The following UCHL3 variants were observed in gnomAD, a reference collection of about 807,000 sequenced individuals.
UCHL3 encodes ubiquitin C-terminal hydrolase L3, also known as ubiquitin carboxyl-terminal hydrolase isozyme L3.
Under a neutral mutation model 35.8 loss-of-function variants are expected in UCHL3, and 22 were observed. The ratio of observed to expected loss-of-function variants is 0.61; its 90% confidence interval spans 0.44 to 0.88. The LOEUF is 0.88. Ranked by LOEUF, UCHL3 falls within the 40% of genes least tolerant of loss-of-function variation. UCHL3 has a pLI of 0.00. For synonymous variants in UCHL3, 90 were observed against 92.8 expected (o/e 0.97, Z 0.17); for missense variants, 229 against 276.9 (o/e 0.83, Z 1.23).
In UCHL3 at chr13:75,549,807, C is replaced by A. The variant is rs199605560; in HGVS notation, c.-14C>A. On this transcript the variant is annotated 5_prime_UTR_variant, in exon 1 of 9. Coordinates refer to ENST00000377595, the MANE Select transcript of UCHL3 (RefSeq NM_006002.5). ...GCGGCGGCTGTCAGAGCTGGAGGGC[C>A]GGGCACCGCGGCCATGGAGGGTCAA... is the stretch of plus-strand genomic sequence containing the variant. 6.5e-6 allele frequency: 10 copies of A among 1,545,904 alleles called. No homozygotes were observed. The African/African-American group carries it at 1.4e-4, about 21-fold the overall frequency.
chr13:75,603,263 CAGCCATAACTGAGTTTATT>C (rs141261662), intron 7 of UCHL3, among the ~76,000 whole-genome samples: 3,932 of 152,280 alleles, frequency 0.026, 62 homozygotes, highest in African/African-American at 0.03. Context: ...CCACCACACC[CAGCCATAACTGAGTTTATT>C]AGCTCTTTAG....
chr13:75,601,732 T>C (rs2032785534), intron 7 of UCHL3, among the ~76,000 whole-genome samples: 1 of 152,196 alleles, frequency 6.6e-6, no homozygotes, highest in African/African-American at 2.4e-5. Context: ...ACCCACAGTA[T>C]CTCTCAGGCA....
At chr13:75,595,597 C>CAAAAAAAAAAAAAAA (rs58733406) in intron 7 of UCHL3, among the ~76,000 whole-genome samples, 1 of 45,658 alleles carries the variant, frequency 2.2e-5, no homozygotes, top group Non-Finnish European at 3.3e-5. Context: ...TACTCCATCT[C>CAAAAAAAAAAAAAAA]AAAAAAAAAA....
chr13:75,599,992 C>T (rs552849799), intron 7 of UCHL3, among the ~76,000 whole-genome samples: 45 of 152,256 alleles, frequency 3.0e-4, no homozygotes, highest in African/African-American at 9.9e-4. Flanking sequence ...ACATGAATGA[C>T]GAGAAAGCAA....
intron 3 of UCHL3, among the ~76,000 whole-genome samples, chr13:75,564,727 G>C (rs2031631126): frequency 6.6e-6 from 1 of 152,012 alleles, no homozygotes; most frequent in Non-Finnish European, 1.5e-5. Context: ...ACAGAGTCTT[G>C]CTCTGTTGCC....
upstream of UCHL3, chr13:75,549,789 C>T: frequency 6.7e-7 from 1 of 1,486,920 alleles, no homozygotes; most frequent in Non-Finnish European, 8.8e-7. Context: ...AAGGCGGCGG[C>T]TGTCAGAGCT....
intron 7 of UCHL3, 113 bp from the exon 8 acceptor site, chr13:75,604,656 G>GA: frequency 1.5e-6 from 1 of 684,202 alleles, no homozygotes; most frequent in Non-Finnish European, 2.3e-6. Context: ...ATATATTATT[G>GA]AAAATGGCTT....
chr13:75,596,578 A>G (rs1004932832), intron 7 of UCHL3, among the ~76,000 whole-genome samples: 1 of 152,244 alleles, frequency 6.6e-6, no homozygotes, highest in African/African-American at 2.4e-5. Flanking sequence ...GAGCAAACAT[A>G]TGTAGGATTC....
chr13:75,585,084 T>C (rs879889215), intron 6 of UCHL3, among the ~76,000 whole-genome samples: 1 of 151,426 alleles, frequency 6.6e-6, no homozygotes, highest in Non-Finnish European at 1.5e-5. Context: ...AGGGGTGGGG[T>C]CTTGAGACAA....
In UCHL3 at chr13:75,573,863, C is replaced by T. The variant is rs531013243; in HGVS notation, c.474+4356C>T. Among the ~76,000 whole-genome samples the T allele has an allele frequency of 7.9e-5, 12 of 152,304 alleles. No homozygotes were observed. In the East Asian group the frequency reaches 9.6e-4, roughly 12 times the overall value. The stretch of plus-strand genomic sequence containing the variant: ...GCTTTCTAACAACCCAGTACACTTC[C>T]GGGTATACCGCTGCTCTTTGCAGAG... On this transcript the variant is annotated intron_variant, in intron 6 of 8. Transcript: ENST00000377595.
chr13:75,573,441 A>G (rs967624583), intron 6 of UCHL3, among the ~76,000 whole-genome samples: 65 of 152,244 alleles, frequency 4.3e-4, no homozygotes, highest in Admixed American at 3.3e-3. Flanking sequence ...ACAAATTGTT[A>G]CCAGGTGCCT....
At chr13:75,596,385 C>T (rs2032646928) in intron 7 of UCHL3, among the ~76,000 whole-genome samples, 1 of 151,816 alleles carries the variant, frequency 6.6e-6, no homozygotes, top group Non-Finnish European at 1.5e-5. Context: ...CTAATTGAGT[C>T]TACAAAATCT....
At chr13:75,553,060 C>T (rs1271452760) in intron 2 of UCHL3, among the ~76,000 whole-genome samples, 1 of 152,108 alleles carries the variant, frequency 6.6e-6, no homozygotes, top group East Asian at 1.9e-4. Context: ...AGCCTGTATG[C>T]TTAGAGTTAG....
At chr13:75,602,461 T>C (rs1855315979) in intron 7 of UCHL3, among the ~76,000 whole-genome samples, 1 of 152,226 alleles carries the variant, frequency 6.6e-6, no homozygotes, top group South Asian at 2.1e-4. Flanking sequence ...TTAGGTTACA[T>C]GACCCATGTA....
At chr13:75,560,427 T>G (rs2031454058) in intron 2 of UCHL3, among the ~76,000 whole-genome samples, 1 of 152,216 alleles carries the variant, frequency 6.6e-6, no homozygotes, top group Non-Finnish European at 1.5e-5. Context: ...GTTAAATGTT[T>G]GTTATGTGCT....
chr13:75,561,731 G>A (rs1048078312), intron 3 of UCHL3, among the ~76,000 whole-genome samples: 1 of 151,642 alleles, frequency 6.6e-6, no homozygotes, highest in Non-Finnish European at 1.5e-5. Flanking sequence ...TTAAATTCAA[G>A]TCTACATATT....
chr13:75,551,366 G>C (rs1329028609), intron 2 of UCHL3, among the ~76,000 whole-genome samples: 1 of 151,698 alleles, frequency 6.6e-6, no homozygotes, highest in African/African-American at 2.4e-5. Context: ...GGGAGGCGGA[G>C]GTTGCATTGA....
intron 6 of UCHL3, among the ~76,000 whole-genome samples, chr13:75,578,525 G>A (rs904169212): frequency 6.6e-6 from 1 of 152,078 alleles, no homozygotes; most frequent in African/African-American, 2.4e-5. Context: ...GACATAATTT[G>A]TGTCTTCAAA....
At chr13:75,567,837 C>T (rs1040478125) in intron 5 of UCHL3, among the ~76,000 whole-genome samples, 5 of 152,094 alleles carry the variant, frequency 3.3e-5, no homozygotes, top group Admixed American at 2.0e-4. Context: ...CATGAGCCAC[C>T]GTGCCTGGCC....
Sources: allele counts gnomAD v4.1 joint callset (sites outside exome capture counted in the v4.1 genomes callset), GRCh38; gene constraint gnomAD v4.1.1; transcripts MANE v1.5; gene names NCBI Gene and HGNC (gene_info 2026-07-23, HGNC 2026-07-21).